Variants in UQCC1 observed in about 807,000 individuals in gnomAD.
The protein encoded by UQCC1 is ubiquinol-cytochrome c reductase complex assembly factor 1.
In UQCC1, 38 loss-of-function variants were observed where a neutral mutation model predicts 48.0. The ratio of observed to expected loss-of-function variants is 0.79; its 90% CI spans 0.61 to 1.04. UQCC1 has a LOEUF of 1.04. Ranked by LOEUF, UQCC1 falls within the 50% of genes least tolerant of loss-of-function variation. The pLI, the probability that UQCC1 is intolerant of heterozygous loss-of-function variation, is 0.00. For synonymous variants in UQCC1, 111 were observed against 129.2 expected, an observed-to-expected ratio of 0.86 and a Z score of 0.95; for missense variants, 368 against 381.8, an observed-to-expected ratio of 0.96 and a Z score of 0.30.
rs995070252 is a variant in UQCC1 at position 35,303,329 on chromosome 20, G to C, written c.*606C>G. The C allele has an allele frequency of 6.5e-6, 1 of 153,050 alleles. No individual in the cohort carries two copies. Among genetic ancestry groups the C allele is most frequent in the African/African-American group, 2.4e-5 (1 of 41,452 alleles). The allele number at this position is 153,050 out of a possible 1,614,324, so 9.5% of individuals were successfully genotyped here. A position where few individuals can be genotyped will look rare whatever the true frequency, so the allele number is the denominator to read the frequency against. ...ACACATCTCCATGAACTAGAGGCAA[G>C]AGCAGCAGAGACCATCCCAGCCTCT... On this transcript the variant is annotated 3_prime_UTR_variant, in exon 10 of 10. Coordinates refer to ENST00000374385, the MANE Select transcript of UQCC1 (RefSeq NM_018244.5).
intron 6 of UQCC1, among the ~76,000 whole-genome samples, chr20:35,360,723 A>C (rs2061596592): frequency 6.6e-6 from 1 of 151,980 alleles, no homozygotes; most frequent in African/African-American, 2.4e-5. Flanking sequence ...TAATCTGTAC[A>C]TCACCCTGTG....
intron 7 of UQCC1, among the ~76,000 whole-genome samples, chr20:35,338,300 C>G (rs2248393): frequency 0.45 from 68,336 of 151,892 alleles, 16,542 homozygotes; most frequent in African/African-American, 0.63. Context: ...CCTTTAGATT[C>G]AAGAAAAGCT....
At chr20:35,373,352 T>C (rs946868589) in intron 5 of UQCC1, among the ~76,000 whole-genome samples, 4 of 152,172 alleles carry the variant, frequency 2.6e-5, no homozygotes, top group African/African-American at 9.7e-5. Flanking sequence ...CAGGAATAGC[T>C]GGCCAAACGT....
intron 8 of UQCC1, among the ~76,000 whole-genome samples, chr20:35,311,064 C>T (rs2146300362): frequency 6.6e-6 from 1 of 152,194 alleles, no homozygotes; most frequent in Middle Eastern, 3.4e-3. Context: ...CTACAAGGTA[C>T]ACCAGGCCCT....
At chr20:35,325,458 A>T (rs1203688865) in intron 7 of UQCC1, among the ~76,000 whole-genome samples, 1 of 152,240 alleles carries the variant, frequency 6.6e-6, no homozygotes, top group Non-Finnish European at 1.5e-5. Context: ...CTCTTAGGAC[A>T]CTTATCCATT....
intron 7 of UQCC1, chr20:35,345,780 T>A (rs1478402190): frequency 1.3e-5 from 2 of 152,224 alleles, no homozygotes; most frequent in Non-Finnish European, 2.9e-5. Flanking sequence ...GTAACTTTTA[T>A]AATATGTTTA....
intron 5 of UQCC1, among the ~76,000 whole-genome samples, chr20:35,366,846 C>A (rs2061672989): frequency 6.6e-6 from 1 of 151,996 alleles, no homozygotes; most frequent in Admixed American, 6.6e-5. Flanking sequence ...GTAATTCCAG[C>A]ACTTTGGGAG....
chr20:35,400,067 AGC>A, intron 1 of UQCC1, among the ~76,000 whole-genome samples: 1 of 151,508 alleles, frequency 6.6e-6, no homozygotes, highest in African/African-American at 2.4e-5. Context: ...CTGGGACTAG[AGC>A]GGCGCGCTAC....
intron 9 of UQCC1, among the ~76,000 whole-genome samples, chr20:35,305,783 G>A (rs2060922061): frequency 6.6e-6 from 1 of 152,226 alleles, no homozygotes; most frequent in Non-Finnish European, 1.5e-5. Context: ...AAGTGAACAA[G>A]AGAGTAACTG....
At chr20:35,331,027 G>A (rs113000657) in intron 7 of UQCC1, among the ~76,000 whole-genome samples, 140 of 152,278 alleles carry the variant, frequency 9.2e-4, no homozygotes, top group African/African-American at 3.1e-3. Context: ...CTTTGAAGGA[G>A]AAGGAGTATA....
chr20:35,399,480 C>A (rs554896387), intron 1 of UQCC1, among the ~76,000 whole-genome samples: 20 of 152,282 alleles, frequency 1.3e-4, no homozygotes, highest in African/African-American at 4.3e-4. Context: ...CTGCTTCACT[C>A]CACACATGCT....
intron 6 of UQCC1, among the ~76,000 whole-genome samples, chr20:35,355,929 G>A (rs1258790668): frequency 6.6e-6 from 1 of 150,600 alleles, no homozygotes; most frequent in Admixed American, 6.6e-5. Context: ...TATCACCCAG[G>A]CTGGAAAGCA....
chr20:35,385,286 C>T (rs1385111877), intron 2 of UQCC1, among the ~76,000 whole-genome samples: 1 of 152,128 alleles, frequency 6.6e-6, no homozygotes, highest in Non-Finnish European at 1.5e-5. Context: ...CTATCATCAC[C>T]AGCATTATTG....
At position 35,316,929 on chromosome 20, in the gene UQCC1, C is replaced by T. The variant is rs574683276; in HGVS notation, c.574-2164G>A. ...CTGGGATTACAGGCATGAGCCACCA[C>T]GCCCGGCCCATTTCCTTTTTTTTTG... is the stretch of plus-strand genomic sequence containing the variant. On this transcript the variant is annotated intron_variant, in intron 7 of 9. Transcript: ENST00000374385. Among the ~76,000 whole-genome samples the T allele has an allele frequency of 2.2e-4, 33 of 150,308 alleles. No homozygotes were observed. In the South Asian group the frequency reaches 4.5e-3, roughly 20 times the overall value.
chr20:35,407,560 C>T (rs2062270587), intron 1 of UQCC1, among the ~76,000 whole-genome samples: 1 of 152,132 alleles, frequency 6.6e-6, no homozygotes, highest in Non-Finnish European at 1.5e-5. Context: ...ACATGCAAAT[C>T]ATATATCTGA....
intron 7 of UQCC1, chr20:35,315,042 A>G (rs1363172263): frequency 1.2e-5 from 3 of 240,114 alleles, no homozygotes; most frequent in Non-Finnish European, 2.5e-5. Flanking sequence ...TGAACCAAGT[A>G]TAAGAAACAG....
chr20:35,304,085 G>A lies in UQCC1; in HGVS notation c.766-16C>T. 1.9e-6 allele frequency: 3 copies of A among 1,613,898 alleles called. No homozygotes were observed. Among genetic ancestry groups the A allele is most frequent in the Non-Finnish European group, 1.7e-6 (2 of 1,179,860 alleles). On this transcript the variant is annotated splice_polypyrimidine_tract_variant and intron_variant, in intron 9 of 9. Transcript: ENST00000374385. The stretch of plus-strand genomic sequence containing the variant: ...GGTACTGTATCTGCAACCAGGGGAG[G>A]GGGAAGGAGGAAGCGACAGAGGCAG...
chr20:35,400,264 C>A (rs919833725), intron 1 of UQCC1, among the ~76,000 whole-genome samples: 1 of 151,926 alleles, frequency 6.6e-6, no homozygotes, highest in African/African-American at 2.4e-5. Context: ...TCCACCACTT[C>A]ATCTATAAAT....
intron 1 of UQCC1, among the ~76,000 whole-genome samples, chr20:35,404,757 G>A (rs944836761): frequency 1.1e-4 from 17 of 151,052 alleles, no homozygotes; most frequent in Non-Finnish European, 1.8e-4. Flanking sequence ...CCTATTTCAA[G>A]GCTGTCTTAG....
Sources: allele counts gnomAD v4.1 joint callset (sites outside exome capture counted in the v4.1 genomes callset), GRCh38; gene constraint gnomAD v4.1.1; transcripts MANE v1.5; gene names NCBI Gene and HGNC (gene_info 2026-07-23, HGNC 2026-07-21).